Variants in PEX7 observed in about 807,000 individuals in gnomAD.
PEX7 encodes PTS2 receptor.
A neutral mutation model predicts 47.5 loss-of-function variants in PEX7; 34 were observed. That is an observed-to-expected ratio of 0.72 (90% CI 0.54 to 0.95). The LOEUF (loss-of-function observed/expected upper bound fraction) is 0.95, where lower values mean the gene tolerates loss of function less well. PEX7 is among the 40% of genes least tolerant of loss of function. The pLI is 0.00. For missense variants in PEX7, 394 were observed against 400.3 expected, an observed-to-expected ratio of 0.98 and a Z score of 0.13; for synonymous variants, 141 against 148.8, an observed-to-expected ratio of 0.95 and a Z score of 0.38.
At chr6:136,891,234 C>T (rs1036870087) in intron 8 of PEX7, among the ~76,000 whole-genome samples, 15 of 152,032 alleles carry the variant, frequency 9.9e-5, no homozygotes, top group Non-Finnish European at 1.6e-4. Context: ...ATGTGGTTCC[C>T]GGGCTTAATG....
At chr6:136,882,181 T>C (rs1266014782) in intron 8 of PEX7, among the ~76,000 whole-genome samples, 1 of 144,804 alleles carries the variant, frequency 6.9e-6, no homozygotes, top group African/African-American at 2.6e-5. Context: ...TCTTCTTTTT[T>C]TTTTTTTTTT....
chr6:136,858,249 G>A (rs2012700), intron 5 of PEX7, among the ~76,000 whole-genome samples: 97,340 of 152,068 alleles, frequency 0.64, 31,288 homozygotes, highest in African/African-American at 0.7. Context: ...CTGCCTTATG[G>A]ACAAGTAAGA....
intron 8 of PEX7, among the ~76,000 whole-genome samples, chr6:136,886,736 T>G (rs1052983888): frequency 8.1e-6 from 1 of 123,916 alleles, no homozygotes; most frequent in Non-Finnish European, 1.9e-5. Flanking sequence ...AAGTTGAATA[T>G]GTCTGGGCAT....
rs1048520213 is a variant in PEX7 at position 136,837,759 on chromosome 6, C to G, written c.340-7856C>G. 1.3e-5 allele frequency among the ~76,000 whole-genome samples: 2 copies of G among 150,954 alleles called. 1 individual carries two copies. The highest frequency in any genetic ancestry group is 2.9e-5 in the Non-Finnish European group (2 of 67,884). ...ACAACTTGAAGGGACTCTCACTGGC[C>G]GAAGATGAGACTATTGGAACAACCA... On this transcript the variant is annotated intron_variant, in intron 3 of 9. Coordinates refer to ENST00000318471, the MANE Select transcript of PEX7 (RefSeq NM_000288.4).
chr6:136,902,781 C>T (rs1021133737), intron 9 of PEX7, among the ~76,000 whole-genome samples: 4 of 152,112 alleles, frequency 2.6e-5, no homozygotes, highest in African/African-American at 9.7e-5. Context: ...TTCTGCTCTT[C>T]CAAATGCTCA....
At chr6:136,832,328 T>G (rs1314248497) in intron 3 of PEX7, among the ~76,000 whole-genome samples, 7 of 152,232 alleles carry the variant, frequency 4.6e-5, no homozygotes, top group Non-Finnish European at 1.0e-4. Flanking sequence ...CACCATGTCT[T>G]GAGGCTGCAC....
intron 2 of PEX7, 27 bp from the exon 3 acceptor site, chr6:136,826,292 T>G (rs139995908): frequency 1.2e-6 from 2 of 1,613,154 alleles, no homozygotes; most frequent in Non-Finnish European, 1.7e-6. Context: ...GTTGTATTTT[T>G]TTGTTGTTTG....
At chr6:136,832,786 C>G (rs1456623134) in intron 3 of PEX7, among the ~76,000 whole-genome samples, 1 of 152,212 alleles carries the variant, frequency 6.6e-6, no homozygotes, top group Non-Finnish European at 1.5e-5. Context: ...CCACCAGTCT[C>G]TTTGCTAAAG....
chr6:136,874,615 G>C (rs1472617845), intron 8 of PEX7, among the ~76,000 whole-genome samples: 4 of 147,638 alleles, frequency 2.7e-5, no homozygotes, highest in South Asian at 2.1e-4. Context: ...ATTGCAGTGA[G>C]CTAAAATCAT....
chr6:136,837,096 T>C (rs983542768), intron 3 of PEX7, among the ~76,000 whole-genome samples: 7 of 151,318 alleles, frequency 4.6e-5, no homozygotes, highest in African/African-American at 1.7e-4. Context: ...TAGCCGCGCT[T>C]ACGCCTGTAA....
chr6:136,839,334 A>G (rs1036988431), intron 3 of PEX7, among the ~76,000 whole-genome samples: 1 of 152,134 alleles, frequency 6.6e-6, no homozygotes. Context: ...TTATTTGACA[A>G]TTTTTAATTA....
chr6:136,844,349 C>T (rs573030715), intron 3 of PEX7, among the ~76,000 whole-genome samples: 20 of 150,990 alleles, frequency 1.3e-4, no homozygotes, highest in African/African-American at 4.1e-4. Context: ...CCAGCCTGGG[C>T]GACTGCGCAA....
chr6:136,867,461 A>G (rs993379677), intron 6 of PEX7, among the ~76,000 whole-genome samples: 12 of 152,238 alleles, frequency 7.9e-5, no homozygotes, highest in Admixed American at 7.8e-4. Context: ...GTCCTAAACT[A>G]ATATGTGTGC....
intron 8 of PEX7, among the ~76,000 whole-genome samples, chr6:136,887,309 A>G (rs1775482923): frequency 6.6e-6 from 1 of 152,092 alleles, no homozygotes; most frequent in Non-Finnish European, 1.5e-5. Flanking sequence ...TCTCTCATAA[A>G]GTGACTTAAC....
At chr6:136,864,700 A>T (rs533627896) in intron 5 of PEX7, among the ~76,000 whole-genome samples, 2 of 152,334 alleles carry the variant, frequency 1.3e-5, no homozygotes, top group South Asian at 4.1e-4. Flanking sequence ...ATACTTTAAA[A>T]ATTTAGCATT....
intron 7 of PEX7, 63 bp downstream of exon 7, chr6:136,870,066 T>C (rs1352786664): frequency 3.8e-6 from 4 of 1,059,236 alleles, no homozygotes; most frequent in African/African-American, 3.2e-5. Flanking sequence ...CAATGAAGTG[T>C]ATATTAAAAA....
chr6:136,857,838 T>A (rs1279765298), intron 5 of PEX7, among the ~76,000 whole-genome samples: 1 of 152,186 alleles, frequency 6.6e-6, no homozygotes, highest in African/African-American at 2.4e-5. Context: ...CCTCTTTTTT[T>A]TTGAGACAGG....
At chr6:136,887,260 T>C (rs1466192088) in intron 8 of PEX7, among the ~76,000 whole-genome samples, 4 of 152,120 alleles carry the variant, frequency 2.6e-5, no homozygotes, top group Admixed American at 2.6e-4. Flanking sequence ...TAATTGTATA[T>C]TACTTAATAT....
At chr6:136,838,729 C>T (rs981834478) in intron 3 of PEX7, among the ~76,000 whole-genome samples, 4 of 152,092 alleles carry the variant, frequency 2.6e-5, no homozygotes, top group African/African-American at 9.7e-5. Context: ...TAGAATACTC[C>T]AGCAGTCAGT....
Sources: allele counts gnomAD v4.1 joint callset (sites outside exome capture counted in the v4.1 genomes callset), GRCh38; gene constraint gnomAD v4.1.1; transcripts MANE v1.5; gene names NCBI Gene and HGNC (gene_info 2026-07-23, HGNC 2026-07-21).